TTC3: variants seen among roughly 807,000 people sequenced by gnomAD.
TTC3 encodes the protein tetratricopeptide repeat domain 3.
A neutral mutation model predicts 249.6 loss-of-function variants in TTC3; 180 were observed. The observed-to-expected ratio is 0.72, with a 90% CI of 0.64 to 0.82. The LOEUF is 0.82. Ranked by LOEUF, TTC3 falls within the 40% of genes least tolerant of loss-of-function variation. The pLI is 0.00. For missense variants in TTC3, 2,061 were observed against 2,398.4 expected (o/e 0.86, Z 2.94); for synonymous variants, 717 against 805.0 (o/e 0.89, Z 1.85).
chr21:37,201,503 A>C, exon 46 of TTC3: 2 of 1,613,998 alleles, frequency 1.2e-6, no homozygotes, highest in Non-Finnish European at 1.7e-6. Flanking sequence ...TGATCTCCTG[A>C]CAGAAGAGTC....
intron 1 of TTC3, among the ~76,000 whole-genome samples, chr21:37,074,150 G>T (rs2070461922): frequency 6.6e-6 from 1 of 151,110 alleles, no homozygotes; most frequent in South Asian, 2.1e-4. Context: ...TGTCCCCACG[G>T]AACGGACCCA....
chr21:37,165,516 A>G (rs749311410), intron 32 of TTC3, 34 bp from the exon 33 acceptor site: 2 of 1,511,012 alleles, frequency 1.3e-6, no homozygotes, highest in Admixed American at 2.1e-5. Flanking sequence ...GTACTTCCTT[A>G]TAGTAACTCA....
intron 27 of TTC3, 109 bp downstream of exon 27, chr21:37,153,386 A>T: frequency 9.2e-7 from 1 of 1,087,754 alleles, no homozygotes; most frequent in Non-Finnish European, 1.3e-6. Flanking sequence ...TAAATGCAGG[A>T]CTATAAATTT....
chr21:37,182,845 AAAAG>A lies in TTC3; in HGVS notation c.4693_4696del (p.Glu1565SerfsTer5). The A allele has an allele frequency of 6.3e-7, 1 of 1,596,876 alleles. No homozygotes were observed. The highest frequency in any genetic ancestry group is 8.5e-7 in the Non-Finnish European group (1 of 1,175,384). On this transcript the variant is annotated frameshift_variant, in exon 36 of 46. Transcript: ENST00000355666. LOFTEE classifies it high-confidence loss of function. ...AAATTAAAAAATGGCAACAGGAAAA[AAAAG>A]AAATCCAAGAAAGACTAAAATCACT...
intron 33 of TTC3, among the ~76,000 whole-genome samples, chr21:37,167,197 CAA>C (rs1174408946): frequency 3.3e-5 from 5 of 152,078 alleles, no homozygotes; most frequent in African/African-American, 9.7e-5. Flanking sequence ...CAGGTAGAAA[CAA>C]GAGGGATGTG....
rs2077023481 is a variant in TTC3, at chr21:37,126,064, C to T, written c.1234-16C>T. On this transcript the variant is annotated splice_polypyrimidine_tract_variant and intron_variant, in intron 14 of 45. Coordinates refer to ENST00000355666, the Ensembl canonical transcript of TTC3. ...TTGTTTTTTTTTTTTTTAAGTCTCA[C>T]TAATTTCATTGGCAGGTGGCGGATG... The T allele has an allele frequency of 1.3e-6, 2 of 1,554,532 alleles. No homozygotes were observed. The highest frequency in any genetic ancestry group is 8.7e-7 in the Non-Finnish European group (1 of 1,144,930).
intron 18 of TTC3, among the ~76,000 whole-genome samples, chr21:37,137,418 C>T (rs368173899): frequency 4.6e-5 from 7 of 152,184 alleles, no homozygotes; most frequent in East Asian, 3.9e-4. Flanking sequence ...AATTCCAGCC[C>T]TCATGGATGA....
At chr21:37,078,648 A>C (rs139213656) in intron 1 of TTC3, among the ~76,000 whole-genome samples, 1 of 152,138 alleles carries the variant, frequency 6.6e-6, no homozygotes, top group Non-Finnish European at 1.5e-5. Flanking sequence ...AAAAATATTG[A>C]CCCTTTAGTC....
intron 21 of TTC3, 47 bp from the exon 22 acceptor site, chr21:37,147,434 G>T: frequency 6.7e-7 from 1 of 1,496,796 alleles, no homozygotes. Flanking sequence ...CATTTTTATT[G>T]ACAGATTAGT....
chr21:37,172,826 G>T, intron 35 of TTC3, 82 bp downstream of exon 35: 2 of 1,508,948 alleles, frequency 1.3e-6, no homozygotes, highest in Non-Finnish European at 1.8e-6. Context: ...TGCGGCCTCA[G>T]CTGAACTTCT....
intron 11 of TTC3, among the ~76,000 whole-genome samples, chr21:37,115,128 A>G (rs947081560): frequency 7.9e-5 from 12 of 151,548 alleles, no homozygotes; most frequent in African/African-American, 2.9e-4. Context: ...ATGTATACCT[A>G]TGTAACAAAC....
intron 17 of TTC3, among the ~76,000 whole-genome samples, chr21:37,133,831 A>G (rs542939215): frequency 2.8e-4 from 42 of 152,276 alleles, no homozygotes; most frequent in African/African-American, 9.9e-4. Flanking sequence ...AGGATTAACC[A>G]CTGCACTCCA....
chr21:37,125,536 G>A (rs1283264840), intron 14 of TTC3, among the ~76,000 whole-genome samples: 6 of 152,044 alleles, frequency 3.9e-5, no homozygotes, highest in Admixed American at 1.3e-4. Context: ...AACTGAGAAC[G>A]GGAGTTATCT....
chr21:37,090,583 GC>G (rs758866947), intron 6 of TTC3: 10 of 933,652 alleles, frequency 1.1e-5, no homozygotes, highest in Non-Finnish European at 1.1e-5. Flanking sequence ...AAATTATTAG[GC>G]CTCTGGTATG....
rs1363319125 is a variant in TTC3 at position 37,150,787 on chromosome 21, G to C, written c.2212-33G>C. Reference sequence around the variant, plus strand: ...TGTGTTTTATGTCATGGGAGTATGAGACAAATTTTGGATGTCTTTGTTTTA... The same window carrying C: ...TGTGTTTTATGTCATGGGAGTATGACACAAATTTTGGATGTCTTTGTTTTA... On this transcript the variant is annotated intron_variant, in intron 24 of 45. Transcript: ENST00000355666. 5.9e-6 allele frequency: 9 copies of C among 1,519,616 alleles called. No homozygotes were observed. In the Admixed American group the frequency reaches 1.5e-4, roughly 26 times the overall value. 94.1% of individuals were successfully genotyped at this position (1,519,616 alleles called of 1,614,324 possible). A position where few individuals can be genotyped will look rare whatever the true frequency, so the allele number is the denominator to read the frequency against.
intron 26 of TTC3, 24 bp downstream of exon 26, chr21:37,152,053 TAA>T (rs1457572827): frequency 4.5e-6 from 7 of 1,550,030 alleles, no homozygotes; most frequent in Non-Finnish European, 6.1e-6. Context: ...AAAGGCATGA[TAA>T]GAATAATATA....
intron 22 of TTC3, among the ~76,000 whole-genome samples, chr21:37,147,927 C>A (rs1249848595): frequency 2.6e-5 from 4 of 152,084 alleles, no homozygotes; most frequent in Non-Finnish European, 5.9e-5. Context: ...CAGGGTTTCA[C>A]CATATTGGCC....
At chr21:37,156,850 A>G (rs753159371) in exon 28 of TTC3, 19 of 1,613,986 alleles carry the variant, frequency 1.2e-5, no homozygotes, top group Non-Finnish European at 1.4e-5. Flanking sequence ...CTAGAAGAAC[A>G]CAGAGACAAG....
At chr21:37,121,568 A>G (rs2076588581) in intron 11 of TTC3, among the ~76,000 whole-genome samples, 2 of 152,248 alleles carry the variant, frequency 1.3e-5, no homozygotes, top group South Asian at 4.1e-4. Context: ...GGGGGTACAG[A>G]AATTTCTTAA....
Sources: gnomAD v4.1 joint callset for allele counts (sites outside exome capture counted in the v4.1 genomes callset) on GRCh38, gnomAD v4.1.1 for gene constraint, MANE v1.5 for transcripts, NCBI Gene and HGNC (gene_info 2026-07-23, HGNC 2026-07-21) for gene names.